The following PPP1R9A variants were observed in gnomAD, a reference collection of about 807,000 sequenced individuals.
PPP1R9A encodes the protein neurabin-1.
In PPP1R9A, 59 loss-of-function variants were observed where a neutral mutation model predicts 141.9. That is an observed-to-expected ratio of 0.42 (90% CI 0.34 to 0.52). The LOEUF is 0.52. Ranked by LOEUF, PPP1R9A falls within the 20% of genes least tolerant of loss-of-function variation. The pLI is 0.10. For missense variants in PPP1R9A, 1,444 were observed against 1,611.9 expected (o/e 0.90, Z 1.78); for synonymous variants, 500 against 569.7 (o/e 0.88, Z 1.74).
chr7:94,977,251 T>C (rs1337562976), intron 2 of PPP1R9A, among the ~76,000 whole-genome samples: 1 of 151,296 alleles, frequency 6.6e-6, no homozygotes, highest in Non-Finnish European at 1.5e-5. Context: ...CACTAGAGAG[T>C]GAATATAGGA....
intron 2 of PPP1R9A, among the ~76,000 whole-genome samples, chr7:95,073,827 C>T (rs1045620512): frequency 1.3e-5 from 2 of 151,906 alleles, no homozygotes; most frequent in Non-Finnish European, 2.9e-5. Flanking sequence ...AGCAATCCTC[C>T]TGCCTCAGCC....
chr7:95,237,632 A>G (rs1033071061), intron 8 of PPP1R9A, among the ~76,000 whole-genome samples: 1 of 152,024 alleles, frequency 6.6e-6, no homozygotes, highest in African/African-American at 2.4e-5. Flanking sequence ...ACCATCATTT[A>G]TTTCTTCCTG....
At position 95,079,567 on chromosome 7, in the gene PPP1R9A, G is replaced by A. The variant is rs527700818; in HGVS notation, c.1396-31692G>A. ...CTATTCCAATCAATAGAAAAAGAGG[G>A]AATCCTCCCTAACTCATTTTATGAG... On this transcript the variant is annotated intron_variant, in intron 2 of 19. Coordinates refer to ENST00000433360, the MANE Select transcript of PPP1R9A (RefSeq NM_001166160.2). 3.4e-3 allele frequency among the ~76,000 whole-genome samples: 522 copies of A among 151,864 alleles called. 6 individuals are homozygous for A. Among genetic ancestry groups the A allele is most frequent in the African/African-American group, 0.012 (499 of 41,398 alleles).
At chr7:94,952,653 T>G (rs1475976661) in intron 2 of PPP1R9A, among the ~76,000 whole-genome samples, 1 of 152,208 alleles carries the variant, frequency 6.6e-6, no homozygotes, top group Non-Finnish European at 1.5e-5. Context: ...CCATTCTAAC[T>G]GGCATGAGAT....
chr7:95,228,900 C>T (rs950302976), intron 8 of PPP1R9A, among the ~76,000 whole-genome samples: 9 of 152,064 alleles, frequency 5.9e-5, no homozygotes, highest in South Asian at 2.1e-4. Flanking sequence ...ACCTAAGTAT[C>T]GAGCTATAAG....
chr7:95,268,711 A>G lies in PPP1R9A; in HGVS notation c.2823+4A>G, dbSNP rs1466570894. 1 of 1,612,078 alleles carries G rather than the reference A, an allele frequency of 6.2e-7. No individual in the cohort carries two copies. Among genetic ancestry groups the G allele is most frequent in the Admixed American group, 1.7e-5 (1 of 59,836 alleles). Reference sequence around the variant, plus strand: ...GGAGGACAGTCTAGAGAGAAAGGTGAGCACCCTTGACCGTTTCCTGATTTG... The same window carrying G: ...GGAGGACAGTCTAGAGAGAAAGGTGGGCACCCTTGACCGTTTCCTGATTTG... On this transcript the variant is annotated splice_donor_region_variant and intron_variant, in intron 13 of 19. Coordinates refer to ENST00000433360, the MANE Select transcript of PPP1R9A (RefSeq NM_001166160.2).
chr7:95,275,143 C>T (rs1802921267), intron 16 of PPP1R9A, among the ~76,000 whole-genome samples: 1 of 152,068 alleles, frequency 6.6e-6, no homozygotes, highest in East Asian at 1.9e-4. Context: ...CTTGGTGGCC[C>T]ACACCTGTAA....
At chr7:95,162,307 A>G (rs1018893719) in intron 5 of PPP1R9A, among the ~76,000 whole-genome samples, 1 of 152,348 alleles carries the variant, frequency 6.6e-6, no homozygotes, top group East Asian at 1.9e-4. Context: ...CAGTTATACA[A>G]TACTTGAAAT....
At chr7:95,017,373 A>T (rs1805245891) in intron 2 of PPP1R9A, among the ~76,000 whole-genome samples, 1 of 152,184 alleles carries the variant, frequency 6.6e-6, no homozygotes, top group East Asian at 1.9e-4. Context: ...CAACTACTAG[A>T]ACTAGTAAGT....
chr7:95,207,844 A>G (rs1417633046), intron 7 of PPP1R9A, among the ~76,000 whole-genome samples: 1 of 152,226 alleles, frequency 6.6e-6, no homozygotes, highest in African/African-American at 2.4e-5. Context: ...AGGAGAAAAC[A>G]TAATTTATAA....
chr7:95,191,136 G>A (rs573439290), intron 5 of PPP1R9A, among the ~76,000 whole-genome samples: 1 of 152,092 alleles, frequency 6.6e-6, no homozygotes, highest in African/African-American at 2.4e-5. Context: ...GTATTTGACA[G>A]CTTACCAAAT....
At chr7:94,970,676 C>T (rs1362575451) in intron 2 of PPP1R9A, among the ~76,000 whole-genome samples, 1 of 145,738 alleles carries the variant, frequency 6.9e-6, no homozygotes, top group Non-Finnish European at 1.5e-5. Flanking sequence ...CTCTCTGTTG[C>T]CCAGGCTGGA....
intron 2 of PPP1R9A, among the ~76,000 whole-genome samples, chr7:95,069,263 A>G (rs1813424211): frequency 6.6e-6 from 1 of 152,182 alleles, no homozygotes; most frequent in Admixed American, 6.5e-5. Context: ...GACAAGAATC[A>G]GAAATGTGGA....
chr7:95,183,036 G>A (rs1225533659), intron 5 of PPP1R9A, among the ~76,000 whole-genome samples: 1 of 152,050 alleles, frequency 6.6e-6, no homozygotes, highest in African/African-American at 2.4e-5. Context: ...TTAAGTTTAT[G>A]CCTGTTAAAT....
intron 2 of PPP1R9A, among the ~76,000 whole-genome samples, chr7:94,968,734 T>A (rs1452951297): frequency 2.0e-5 from 3 of 152,094 alleles, no homozygotes; most frequent in African/African-American, 7.2e-5. Flanking sequence ...CTAAAGAGTG[T>A]TTTCCAGCTT....
rs1455243613 is a variant in PPP1R9A at position 95,157,658 on chromosome 7, A to G, written c.1650-4209A>G. Reference sequence around the variant, plus strand: ...AACTAGGATCTTTAATCAGTAGTAAACAGTGAATCAAATAAGTAAATTTCC... The same window carrying G: ...AACTAGGATCTTTAATCAGTAGTAAGCAGTGAATCAAATAAGTAAATTTCC... On this transcript the variant is annotated intron_variant, in intron 4 of 19. Coordinates refer to ENST00000433360, the MANE Select transcript of PPP1R9A (RefSeq NM_001166160.2). Among the ~76,000 whole-genome samples, 7 of 152,350 alleles carry G rather than the reference A, an allele frequency of 4.6e-5. No homozygotes were observed. The East Asian group carries it at 1.4e-3, about 29-fold the overall frequency.
At chr7:94,952,726 T>C (rs555308762) in intron 2 of PPP1R9A, among the ~76,000 whole-genome samples, 1 of 152,212 alleles carries the variant, frequency 6.6e-6, no homozygotes, top group Non-Finnish European at 1.5e-5. Context: ...GCTTTTTTCA[T>C]AAGTTTCTTG....
intron 2 of PPP1R9A, among the ~76,000 whole-genome samples, chr7:94,917,250 G>C (rs1043466756): frequency 1.1e-4 from 16 of 152,068 alleles, no homozygotes; most frequent in African/African-American, 3.6e-4. Flanking sequence ...TTTGTTGAAT[G>C]AACCCCTTTT....
chr7:95,213,744 G>GTTTCTGTTTAAACAGAAAGAATTCC (rs1792658554), intron 7 of PPP1R9A, among the ~76,000 whole-genome samples: 1 of 152,034 alleles, frequency 6.6e-6, no homozygotes, highest in Non-Finnish European at 1.5e-5. Flanking sequence ...AAACCATCAA[G>GTTTCTGTTTAAACAGAAAGAATTCC]TTTCTGTTTA....
Sources: gnomAD v4.1 joint callset for allele counts (sites outside exome capture counted in the v4.1 genomes callset) on GRCh38, gnomAD v4.1.1 for gene constraint, MANE v1.5 for transcripts, NCBI Gene and HGNC (gene_info 2026-07-23, HGNC 2026-07-21) for gene names.